The following CASD1 variants were observed in gnomAD, a reference collection of about 807,000 sequenced individuals.
The protein encoded by CASD1 is N-acetylneuraminate (7)9-O-acetyltransferase.
A neutral mutation model predicts 100.0 loss-of-function variants in CASD1; 41 were observed. That is an observed-to-expected ratio of 0.41 (90% CI 0.32 to 0.53). CASD1 has a LOEUF of 0.53. Ranked by LOEUF, CASD1 falls within the 20% of genes least tolerant of loss-of-function variation. The pLI is 0.25. For synonymous variants in CASD1, 321 were observed against 315.6 expected, an observed-to-expected ratio of 1.02 and a Z score of -0.18; for missense variants, 774 against 948.7, an observed-to-expected ratio of 0.82 and a Z score of 2.42.
chr7:94,518,822 TA>T (rs1313391486), intron 3 of CASD1, among the ~76,000 whole-genome samples: 1 of 152,086 alleles, frequency 6.6e-6, no homozygotes, highest in Admixed American at 6.5e-5. Flanking sequence ...TGTAATTTTA[TA>T]TAATTTTCCA....
In CASD1 at chr7:94,516,763, C is replaced by T. The variant is rs909844891; in HGVS notation, c.134-797C>T. On this transcript the variant is annotated intron_variant, in intron 1 of 17. Transcript: ENST00000297273. Reference sequence around the variant, plus strand: ...AAAAGTGTAGAGTGACTCTTTGTCTCAGTTTACCTGGGACTGAGGAGTTTC... The same window carrying T: ...AAAAGTGTAGAGTGACTCTTTGTCTTAGTTTACCTGGGACTGAGGAGTTTC... Among the ~76,000 whole-genome samples, 6 of 152,028 alleles carry T rather than the reference C, an allele frequency of 3.9e-5. No homozygotes were observed. In the East Asian group the frequency reaches 1.2e-3, roughly 29 times the overall value.
intron 1 of CASD1, among the ~76,000 whole-genome samples, chr7:94,510,661 C>A (rs924536698): frequency 2.0e-5 from 3 of 152,220 alleles, no homozygotes; most frequent in Non-Finnish European, 2.9e-5. Context: ...GGTCGCAGGT[C>A]CTGCCTCTTA....
the CASD1 span, chr7:94,598,499 A>C: frequency 2.6e-6 from 1 of 385,702 alleles, no homozygotes; most frequent in Non-Finnish European, 4.7e-6. Context: ...TCTTTGAGCA[A>C]ACATGTAATG....
At chr7:94,524,733 G>A (rs576534983) in intron 3 of CASD1, among the ~76,000 whole-genome samples, 148 of 152,180 alleles carry the variant, frequency 9.7e-4, no homozygotes, top group African/African-American at 3.0e-3. Flanking sequence ...CAGTTGACCT[G>A]TACTCTACAA....
chr7:94,589,647 A>T, the CASD1 span: 1 of 152,502 alleles, frequency 6.6e-6, no homozygotes, highest in African/African-American at 2.4e-5. Flanking sequence ...GCAGCAGTAG[A>T]CGGTCATAGG....
chr7:94,562,376 C>G, the CASD1 span, among the ~76,000 whole-genome samples: 1 of 152,124 alleles, frequency 6.6e-6, no homozygotes, highest in East Asian at 1.9e-4. Flanking sequence ...AGTGTTTCTT[C>G]AGACCACACC....
At chr7:94,604,078 G>A in the CASD1 span, among the ~76,000 whole-genome samples, 1 of 152,090 alleles carries the variant, frequency 6.6e-6, no homozygotes, top group South Asian at 2.1e-4. Flanking sequence ...AACACAAAGA[G>A]GCAAACAAAA....
At chr7:94,565,254 T>C in the CASD1 span, among the ~76,000 whole-genome samples, 1 of 152,090 alleles carries the variant, frequency 6.6e-6, no homozygotes, top group Non-Finnish European at 1.5e-5. Context: ...GTTCTGTGTA[T>C]ATTCCCAACC....
downstream of CASD1, among the ~76,000 whole-genome samples, chr7:94,558,183 A>T (rs915416641): frequency 1.3e-5 from 2 of 152,156 alleles, no homozygotes; most frequent in Admixed American, 1.3e-4. Flanking sequence ...AATTCAGCCC[A>T]TCTAAATTAA....
At chr7:94,532,088 T>C (rs1290027583) in intron 5 of CASD1, among the ~76,000 whole-genome samples, 1 of 152,164 alleles carries the variant, frequency 6.6e-6, no homozygotes, top group Non-Finnish European at 1.5e-5. Context: ...TACTGTAATA[T>C]ACTATTGCTA....
chr7:94,537,988 C>A, intron 9 of CASD1, 94 bp downstream of exon 9: 1 of 727,920 alleles, frequency 1.4e-6, no homozygotes, highest in Non-Finnish European at 2.2e-6. Context: ...TGACAAAATA[C>A]ACAAACAGGT....
the CASD1 span, chr7:94,585,127 G>C: frequency 4.2e-5 from 8 of 189,922 alleles, no homozygotes; most frequent in East Asian, 1.0e-3. Context: ...CTAAAGTCTT[G>C]TGGAATGAGA....
chr7:94,523,720 A>G (rs1422793446), intron 3 of CASD1, among the ~76,000 whole-genome samples: 1 of 152,210 alleles, frequency 6.6e-6, no homozygotes, highest in African/African-American at 2.4e-5. Context: ...TAAATTTTTT[A>G]TAGATGGGCA....
the CASD1 span, chr7:94,600,739 G>A: frequency 3.7e-6 from 6 of 1,613,728 alleles, no homozygotes; most frequent in Non-Finnish European, 3.4e-6. Flanking sequence ...TAGGAAATCC[G>A]TGTAATAGTC....
chr7:94,518,611 C>G (rs756729093), intron 3 of CASD1, among the ~76,000 whole-genome samples: 2 of 152,042 alleles, frequency 1.3e-5, no homozygotes, highest in African/African-American at 4.8e-5. Flanking sequence ...AGAAAGAAGA[C>G]AAAGAGAAAA....
chr7:94,553,098 G>A (rs768109485), intron 16 of CASD1: 9 of 440,892 alleles, frequency 2.0e-5, no homozygotes, highest in Non-Finnish European at 2.6e-5. Flanking sequence ...CTCATTAAAT[G>A]GTTTTATGTT....
chr7:94,545,365 C>T (rs180813754), intron 11 of CASD1, among the ~76,000 whole-genome samples, 180 bp from the exon 12 acceptor site: 1 of 151,984 alleles, frequency 6.6e-6, no homozygotes, highest in Non-Finnish European at 1.5e-5. Flanking sequence ...TTATATTCAG[C>T]TCTTTACAGT....
chr7:94,530,248 C>T lies in CASD1; in HGVS notation c.459+1998C>T, dbSNP rs1794781011. ...TGGGGAACGAGAAGTGGGGTTATTT[C>T]CTGCAAAGGAAACAGCTTGTGCAAT... On this transcript the variant is annotated intron_variant, in intron 5 of 17. Coordinates refer to ENST00000297273, the MANE Select transcript of CASD1 (RefSeq NM_022900.5). 2.6e-5 allele frequency among the ~76,000 whole-genome samples: 4 copies of T among 152,062 alleles called. No homozygotes were observed. The South Asian group carries it at 8.3e-4, about 31-fold the overall frequency.
At chr7:94,560,727 T>G (rs527486587), downstream of CASD1, among the ~76,000 whole-genome samples, 1 of 152,264 alleles carries the variant, frequency 6.6e-6, no homozygotes, top group South Asian at 2.1e-4. Flanking sequence ...AAGGTAGAAA[T>G]ATTCTTTAAA....
Sources: allele counts gnomAD v4.1 joint callset (sites outside exome capture counted in the v4.1 genomes callset), GRCh38; gene constraint gnomAD v4.1.1; transcripts MANE v1.5; gene names NCBI Gene and HGNC (gene_info 2026-07-23, HGNC 2026-07-21).